HHAT: variants seen among roughly 807,000 people sequenced by gnomAD.
The protein encoded by HHAT is hedgehog acyltransferase.
In HHAT, 47 loss-of-function variants were observed where a neutral mutation model predicts 70.8. The ratio of observed to expected loss-of-function variants is 0.66; its 90% CI spans 0.53 to 0.85. HHAT has a LOEUF of 0.85. Ranked by LOEUF, HHAT falls within the 40% of genes least tolerant of loss-of-function variation. The probability of loss-of-function intolerance (pLI) is 0.00; values close to 1 mark genes in which losing one functional copy is unlikely to be tolerated. For missense variants in HHAT, 609 were observed against 604.8 expected, an observed-to-expected ratio of 1.01 and a Z score of -0.07; for synonymous variants, 228 against 247.6, an observed-to-expected ratio of 0.92 and a Z score of 0.74.
intron 9 of HHAT, among the ~76,000 whole-genome samples, chr1:210,572,772 C>G (rs970436127): frequency 6.6e-6 from 1 of 152,074 alleles, no homozygotes. Context: ...TGTGTGTACT[C>G]GCGGTCCCAG....
At chr1:210,465,995 T>C (rs2094096374) in intron 8 of HHAT, among the ~76,000 whole-genome samples, 1 of 34,236 alleles carries the variant, frequency 2.9e-5, no homozygotes, top group African/African-American at 1.2e-4. Flanking sequence ...AAGGAATGAA[T>C]TGCAAGGAAT....
chr1:210,647,680 C>G (rs1674344146), intron 11 of HHAT, among the ~76,000 whole-genome samples: 2 of 152,208 alleles, frequency 1.3e-5, no homozygotes, highest in African/African-American at 4.8e-5. Context: ...CTGGTTTTCA[C>G]AAGAACAAAA....
At chr1:210,471,320 C>T (rs2094200377) in intron 8 of HHAT, among the ~76,000 whole-genome samples, 1 of 151,930 alleles carries the variant, frequency 6.6e-6, no homozygotes, top group African/African-American at 2.4e-5. Context: ...AATGGCTTTG[C>T]CTTGTAAGGA....
chr1:210,470,357 T>G (rs1011776195), intron 8 of HHAT, among the ~76,000 whole-genome samples: 1 of 152,292 alleles, frequency 6.6e-6, no homozygotes, highest in East Asian at 1.9e-4. Context: ...GCAAGCAGTT[T>G]CCAGCCACTA....
At chr1:210,620,663 T>A (rs767972480) in intron 10 of HHAT, among the ~76,000 whole-genome samples, 2 of 152,238 alleles carry the variant, frequency 1.3e-5, no homozygotes, top group African/African-American at 2.4e-5. Flanking sequence ...CCCTGGGGGA[T>A]AATCAAGAAT....
At chr1:210,542,035 C>T (rs575568903) in intron 9 of HHAT, among the ~76,000 whole-genome samples, 28 of 152,320 alleles carry the variant, frequency 1.8e-4, no homozygotes, top group Non-Finnish European at 3.5e-4. Flanking sequence ...TCTCCTCCTT[C>T]CTTCTGCTTT....
At chr1:210,644,139 T>C (rs918815568) in intron 11 of HHAT, among the ~76,000 whole-genome samples, 1 of 152,186 alleles carries the variant, frequency 6.6e-6, no homozygotes, top group Non-Finnish European at 1.5e-5. Flanking sequence ...GAAAAGACAC[T>C]GAGGTCTAGA....
chr1:210,553,892 A>G (rs926008676), intron 9 of HHAT, among the ~76,000 whole-genome samples: 65 of 151,590 alleles, frequency 4.3e-4, no homozygotes, highest in African/African-American at 1.5e-3. Context: ...GCTGCCTTCC[A>G]CTCCTGCCTG....
chr1:210,522,644 G>A (rs1199003097), intron 9 of HHAT, among the ~76,000 whole-genome samples: 7 of 152,086 alleles, frequency 4.6e-5, no homozygotes, highest in African/African-American at 7.2e-5. Context: ...AAGACGCACC[G>A]TTGTCTGTGA....
intron 10 of HHAT, among the ~76,000 whole-genome samples, chr1:210,620,471 C>A (rs1019607918): frequency 3.9e-5 from 6 of 152,162 alleles, no homozygotes; most frequent in South Asian, 2.1e-4. Flanking sequence ...CAGATCCCAC[C>A]CCCTTTTCCT....
intron 2 of HHAT, among the ~76,000 whole-genome samples, chr1:210,349,420 T>G (rs111858627): frequency 0.015 from 2,235 of 152,276 alleles, 56 homozygotes; most frequent in African/African-American, 0.051. Context: ...TCGTTTTGTC[T>G]TCTTCTGTCA....
chr1:210,380,560 T>C (rs1275073004), intron 3 of HHAT, among the ~76,000 whole-genome samples: 1 of 151,786 alleles, frequency 6.6e-6, no homozygotes, highest in Non-Finnish European at 1.5e-5. Flanking sequence ...TAAAATAAAA[T>C]AAAATTTTAA....
chr1:210,591,704 C>T (rs1314265450), intron 10 of HHAT, among the ~76,000 whole-genome samples: 1 of 152,074 alleles, frequency 6.6e-6, no homozygotes, highest in Non-Finnish European at 1.5e-5. Flanking sequence ...CACATCCTTA[C>T]CAGCTTTTTA....
chr1:210,526,173 A>G (rs1279877565), intron 9 of HHAT, among the ~76,000 whole-genome samples: 1 of 152,082 alleles, frequency 6.6e-6, no homozygotes, highest in African/African-American at 2.4e-5. Flanking sequence ...GTGGAGTCCT[A>G]CGCGCAGCAC....
chr1:210,545,080 T>A lies in HHAT; in HGVS notation c.1043+31892T>A, dbSNP rs111248611. On this transcript the variant is annotated intron_variant, in intron 9 of 11. Transcript: ENST00000261458. The stretch of plus-strand genomic sequence containing the variant: ...CTCCATATTGTAATGAGAATGGCTT[T>A]AAAAAAAAAAAACCACACAATTCTG... Among the ~76,000 whole-genome samples the A allele has an allele frequency of 8.8e-3, 1,279 of 146,050 alleles. 25 individuals carry two copies. Among genetic ancestry groups the A allele is most frequent in the African/African-American group, 0.03 (1,216 of 40,016 alleles).
At chr1:210,374,370 A>G (rs1201766318) in intron 3 of HHAT, 1 of 152,246 alleles carries the variant, frequency 6.6e-6, no homozygotes, top group Non-Finnish European at 1.5e-5. Flanking sequence ...TACAGTTTGC[A>G]CAAAAAGAAT....
intron 9 of HHAT, among the ~76,000 whole-genome samples, chr1:210,517,675 A>G (rs1166890202): frequency 6.6e-6 from 1 of 152,176 alleles, no homozygotes; most frequent in African/African-American, 2.4e-5. Context: ...GAAAATTGCT[A>G]AGACAGGAGA....
chr1:210,623,779 T>C (rs1669336933), intron 11 of HHAT, 109 bp downstream of exon 11: 2 of 1,174,738 alleles, frequency 1.7e-6, no homozygotes, highest in Non-Finnish European at 2.4e-6. Context: ...CATTGTTATG[T>C]TCATGGCATG....
chr1:210,393,798 G>T (rs1000140327), intron 4 of HHAT, among the ~76,000 whole-genome samples: 2 of 152,156 alleles, frequency 1.3e-5, no homozygotes, highest in Non-Finnish European at 1.5e-5. Context: ...GTGACCACGG[G>T]TTTGATTTGT....
Sources: allele counts gnomAD v4.1 joint callset (sites outside exome capture counted in the v4.1 genomes callset), GRCh38; gene constraint gnomAD v4.1.1; transcripts MANE v1.5; gene names NCBI Gene and HGNC (gene_info 2026-07-23, HGNC 2026-07-21).